Variants in DPP6 observed in about 807,000 individuals in gnomAD.
The protein encoded by DPP6 is A-type potassium channel modulatory protein DPP6.
In DPP6, 69 loss-of-function variants were observed where a neutral mutation model predicts 122.6. The ratio of observed to expected loss-of-function variants is 0.56; its 90% confidence interval spans 0.46 to 0.69. The LOEUF is 0.69. DPP6 is among the 30% of genes least tolerant of loss of function. The probability of loss-of-function intolerance (pLI) is 0.00; values close to 1 mark genes in which losing one functional copy is unlikely to be tolerated. For missense variants in DPP6, 928 were observed against 1,116.9 expected, an observed-to-expected ratio of 0.83 and a Z score of 2.41; for synonymous variants, 418 against 433.1, an observed-to-expected ratio of 0.97 and a Z score of 0.43.
chr7:154,627,522 C>G (rs1239623841), intron 5 of DPP6, among the ~76,000 whole-genome samples: 1 of 152,074 alleles, frequency 6.6e-6, no homozygotes, highest in East Asian at 1.9e-4. Flanking sequence ...GTCATTATAA[C>G]AAGACGTTTA....
intron 1 of DPP6, among the ~76,000 whole-genome samples, chr7:154,109,701 C>T (rs1301529676): frequency 1.3e-4 from 20 of 151,596 alleles, no homozygotes; most frequent in Non-Finnish European, 2.6e-4. Context: ...GGACATAATT[C>T]TCCCTGAGAA....
At chr7:154,155,614 A>G (rs1796638669) in intron 1 of DPP6, among the ~76,000 whole-genome samples, 1 of 152,222 alleles carries the variant, frequency 6.6e-6, no homozygotes, top group Non-Finnish European at 1.5e-5. Flanking sequence ...GCCTTGTGCC[A>G]GGAGAACAGT....
At chr7:154,735,315 T>TA (rs1842523035) in intron 8 of DPP6, among the ~76,000 whole-genome samples, 1 of 152,162 alleles carries the variant, frequency 6.6e-6, no homozygotes. Flanking sequence ...TGTGACTTGG[T>TA]AAAAATTATG....
intron 1 of DPP6, among the ~76,000 whole-genome samples, chr7:154,353,343 G>A (rs970540747): frequency 9.2e-5 from 14 of 152,166 alleles, no homozygotes; most frequent in Admixed American, 5.9e-4. Flanking sequence ...ATATTGAAGG[G>A]GAGATACATG....
rs370707407 is a variant in DPP6, at chr7:154,261,845, A to G, written c.244-184369A>G. On this transcript the variant is annotated intron_variant, in intron 1 of 25. Coordinates refer to ENST00000377770, the MANE Select transcript of DPP6 (RefSeq NM_130797.4). Reference sequence around the variant, plus strand: ...CAAATCAAAACTACAATGAGATACCATCTTACTCCTGCAAGAATGATTCAC... The same window carrying G: ...CAAATCAAAACTACAATGAGATACCGTCTTACTCCTGCAAGAATGATTCAC... Among the ~76,000 whole-genome samples, 27 of 152,330 alleles carry G rather than the reference A, an allele frequency of 1.8e-4. No individual in the cohort carries two copies. In the East Asian group the frequency reaches 4.6e-3, roughly 26 times the overall value.
chr7:154,828,928 T>C (rs1240347315), intron 16 of DPP6, among the ~76,000 whole-genome samples: 2 of 152,228 alleles, frequency 1.3e-5, no homozygotes, highest in Non-Finnish European at 2.9e-5. Context: ...TTATTTACAG[T>C]GCCCTGAACA....
At chr7:154,762,212 C>T (rs568496035) in intron 8 of DPP6, among the ~76,000 whole-genome samples, 2 of 152,336 alleles carry the variant, frequency 1.3e-5, no homozygotes, top group South Asian at 4.1e-4. Flanking sequence ...CCTAGTCTCA[C>T]AAGCCATCAC....
At chr7:154,623,692 G>C (rs559439886) in intron 5 of DPP6, among the ~76,000 whole-genome samples, 84 of 151,802 alleles carry the variant, frequency 5.5e-4, no homozygotes, top group Non-Finnish European at 4.3e-4. Flanking sequence ...TGCACACACA[G>C]AGTCATTCAG....
chr7:154,023,357 C>CACACACACACACACACACAT (rs1563109429), intron 1 of DPP6, among the ~76,000 whole-genome samples: 99 of 151,064 alleles, frequency 6.6e-4, no homozygotes, highest in African/African-American at 2.4e-3. Flanking sequence ...CACACACACA[C>CACACACACACACACACACAT]ACACTTCTTA....
chr7:154,676,213 G>C (rs1047861816), intron 7 of DPP6, among the ~76,000 whole-genome samples: 29 of 148,972 alleles, frequency 1.9e-4, no homozygotes, highest in African/African-American at 7.0e-4. Flanking sequence ...TGGAGGTCCA[G>C]CTGCCCTTCC....
intron 10 of DPP6, among the ~76,000 whole-genome samples, chr7:154,774,525 G>A (rs1328254580): frequency 6.6e-6 from 1 of 152,200 alleles, no homozygotes; most frequent in Non-Finnish European, 1.5e-5. Context: ...TGAAAAATTA[G>A]CGTCAGCCAG....
the DPP6 span, among the ~76,000 whole-genome samples, chr7:153,770,540 A>C: frequency 6.6e-6 from 1 of 152,202 alleles, no homozygotes; most frequent in Admixed American, 6.5e-5. Context: ...GGAGAAGGAA[A>C]AAAAAAGCCA....
chr7:154,060,340 C>A (rs1420054151), intron 1 of DPP6, among the ~76,000 whole-genome samples: 22 of 112,158 alleles, frequency 2.0e-4, no homozygotes, highest in Admixed American at 3.3e-4. Flanking sequence ...GGGGGAGGCA[C>A]CCCCCGCGAG....
At chr7:154,563,958 G>A (rs977066967) in intron 4 of DPP6, among the ~76,000 whole-genome samples, 14 of 152,124 alleles carry the variant, frequency 9.2e-5, no homozygotes, top group African/African-American at 2.9e-4. Flanking sequence ...GAAGTGAGGA[G>A]ATCCAAATAT....
At chr7:154,089,044 A>G (rs1368138765) in intron 1 of DPP6, among the ~76,000 whole-genome samples, 1 of 152,100 alleles carries the variant, frequency 6.6e-6, no homozygotes, top group Non-Finnish European at 1.5e-5. Flanking sequence ...TCATGGAGTG[A>G]GAAGTAGTTG....
At chr7:153,780,276 C>T in the DPP6 span, among the ~76,000 whole-genome samples, 1 of 152,112 alleles carries the variant, frequency 6.6e-6, no homozygotes, top group African/African-American at 2.4e-5. Flanking sequence ...AGAAATGATT[C>T]CATGGTTATT....
intron 1 of DPP6, among the ~76,000 whole-genome samples, chr7:154,031,313 C>G (rs1478691199): frequency 4.0e-5 from 6 of 148,298 alleles, no homozygotes; most frequent in Non-Finnish European, 8.9e-5. Flanking sequence ...TAGCCCCAGA[C>G]CTCTTCTGTC....
chr7:154,277,063 A>G (rs76702606), intron 1 of DPP6, among the ~76,000 whole-genome samples: 1 of 152,196 alleles, frequency 6.6e-6, no homozygotes, highest in Non-Finnish European at 1.5e-5. Flanking sequence ...TAAATAGACC[A>G]TGAAGAGGAC....
At chr7:154,830,384 G>A (rs1428291565) in intron 16 of DPP6, among the ~76,000 whole-genome samples, 2 of 152,190 alleles carry the variant, frequency 1.3e-5, no homozygotes, top group Non-Finnish European at 1.5e-5. Context: ...CCATGCCGGG[G>A]GCAGTTTGGT....
Sources: allele counts gnomAD v4.1 joint callset (sites outside exome capture counted in the v4.1 genomes callset), GRCh38; gene constraint gnomAD v4.1.1; transcripts MANE v1.5; gene names NCBI Gene and HGNC (gene_info 2026-07-23, HGNC 2026-07-21).